The following PTPRU variants were observed in gnomAD, a reference collection of about 807,000 sequenced individuals.
PTPRU encodes the protein receptor-type tyrosine-protein phosphatase U.
In PTPRU, 69 loss-of-function variants were observed where a neutral mutation model predicts 166.3. The observed-to-expected ratio is 0.41, with a 90% CI of 0.34 to 0.51. The LOEUF (loss-of-function observed/expected upper bound fraction) is 0.51. Among genes scored for constraint, PTPRU ranks in the 20% least tolerant of loss-of-function variants. The pLI is 0.09. For missense variants in PTPRU, 1,657 were observed against 2,013.7 expected (o/e 0.82, Z 3.39); for synonymous variants, 793 against 814.0 (o/e 0.97, Z 0.44).
At chr1:29,251,336 G>A (rs762628622) in intron 1 of PTPRU, among the ~76,000 whole-genome samples, 2 of 152,288 alleles carry the variant, frequency 1.3e-5, no homozygotes, top group Non-Finnish European at 2.9e-5. Context: ...CACCTTGGCC[G>A]GGGTCAGTTG....
In PTPRU at chr1:29,312,667, C is replaced by T. The variant is rs1199318170; in HGVS notation, c.3188C>T (p.Ser1063Phe). The change falls in exon 22 of 30, where the codon TCC (serine) becomes TTC (phenylalanine). Residue 1063 changes from serine (S) to phenylalanine (F), a missense_variant. Physicochemically the swap from Ser to Phe is radical, Grantham distance 155. This residue lies in a region of PTPRU where 1,190 missense variants were observed against 1,477.4 expected (regional missense o/e 0.81). Transcript: ENST00000373779. ...LLAFIRRVKA[S>F]TPPDAGPIVI... Reference sequence around the variant, plus strand: ...GCTTTCATCCGGCGCGTGAAGGCCTCCACCCCACCTGATGCCGGGCCCATT... The same window carrying T: ...GCTTTCATCCGGCGCGTGAAGGCCTTCACCCCACCTGATGCCGGGCCCATT... The T allele has an allele frequency of 6.2e-7, 1 of 1,610,474 alleles. No individual in the cohort carries two copies. The highest frequency in any genetic ancestry group is 8.5e-7 in the Non-Finnish European group (1 of 1,177,428).
intron 7 of PTPRU, among the ~76,000 whole-genome samples, chr1:29,269,631 T>G (rs1685478234): frequency 6.6e-6 from 1 of 152,144 alleles, no homozygotes; most frequent in African/African-American, 2.4e-5. Context: ...GCAGTTGTTT[T>G]GCTGTTGGCC....
In PTPRU at chr1:29,292,009, A is replaced by G. The variant is rs374736449; in HGVS notation, c.2459A>G (p.His820Arg). ...ERLGLSFMDTHGYSTRGDQRS... is the reference protein window; with the variant it reads ...ERLGLSFMDTRGYSTRGDQRS... ...CTGGGCCTGTCCTTCATGGACACCC[A>G]TGGCTACAGCACCCGGGGTGAGTGC... Residue 820 changes from histidine (H) to arginine (R), a missense_variant, in exon 15 of 30, where the codon CAT becomes CGT. His to Arg is a conservative substitution (Grantham distance 29). Transcript: ENST00000373779. 14 of 1,614,018 alleles carry G rather than the reference A, an allele frequency of 8.7e-6. No homozygotes were observed. The highest frequency in any genetic ancestry group is 1.1e-5 in the Non-Finnish European group (13 of 1,180,018).
intron 7 of PTPRU, among the ~76,000 whole-genome samples, chr1:29,266,499 A>G (rs1239666153): frequency 6.6e-6 from 1 of 152,188 alleles, no homozygotes; most frequent in Non-Finnish European, 1.5e-5. Flanking sequence ...TAGGTCTAAA[A>G]TCTGGTTTAA....
intron 12 of PTPRU, 65 bp downstream of exon 12, chr1:29,283,014 C>T: frequency 6.3e-7 from 1 of 1,580,708 alleles, no homozygotes; most frequent in Non-Finnish European, 8.6e-7. Flanking sequence ...ACAGGAGATA[C>T]CTTGGAGCAG....
In PTPRU at chr1:29,304,798, A is replaced by G; in HGVS notation, c.2692A>G (p.Thr898Ala). ...GAGCTTCTTTGAAGGCTGGGACGCC[A>G]CAAAGAAGAAAGACAAGGTCAAGGG... Reference protein sequence around the residue: ...YESFFEGWDATKKKDKVKGSR... With the variant: ...YESFFEGWDAAKKKDKVKGSR... The change falls in exon 17 of 30, where the codon ACA becomes GCA. Residue 898 changes from threonine (T) to alanine (A), a missense_variant. By Grantham distance (58) the Thr-to-Ala change is moderately conservative (BLOSUM62 0). This residue lies in a region of PTPRU where 1,190 missense variants were observed against 1,477.4 expected (regional missense o/e 0.81). Coordinates refer to ENST00000373779, the MANE Select transcript of PTPRU (RefSeq NM_133178.4). The G allele has an allele frequency of 6.2e-7, 1 of 1,612,640 alleles. No homozygotes were observed. The highest frequency in any genetic ancestry group is 8.5e-7 in the Non-Finnish European group (1 of 1,178,838).
intron 13 of PTPRU, among the ~76,000 whole-genome samples, chr1:29,284,439 A>G (rs1686247127): frequency 2.0e-5 from 3 of 152,178 alleles, no homozygotes; most frequent in Admixed American, 2.0e-4. Flanking sequence ...GTGGGGCTGA[A>G]GCCCAGGTGT....
At chr1:29,277,742 CAGA>C (rs1212316140) in intron 8 of PTPRU, among the ~76,000 whole-genome samples, 1 of 143,790 alleles carries the variant, frequency 7.0e-6, no homozygotes, top group Non-Finnish European at 1.5e-5. Flanking sequence ...TCCCATTTTA[CAGA>C]AGAAGTCACA....
intron 2 of PTPRU, among the ~76,000 whole-genome samples, chr1:29,258,025 C>T (rs550972141): frequency 3.3e-5 from 5 of 152,048 alleles, no homozygotes; most frequent in South Asian, 4.2e-4. Flanking sequence ...AGTGCAGTGG[C>T]GTGATCTTGG....
At position 29,325,767 on chromosome 1, in the gene PTPRU, G is replaced by A; in HGVS notation, c.*106G>A. On this transcript the variant is annotated 3_prime_UTR_variant, in exon 30 of 30. Coordinates refer to ENST00000373779, the MANE Select transcript of PTPRU (RefSeq NM_133178.4). ...CTGCTCTGCCCAAACACACTCCCAT[G>A]GGGCAAGCACTGGAGTGGATGCTGG... 8.0e-7 allele frequency: 1 copy of A among 1,252,204 alleles called. No individual in the cohort carries two copies. Among genetic ancestry groups the A allele is most frequent in the East Asian group, 2.4e-5 (1 of 41,694 alleles). The allele number at this position is 1,252,204 out of a possible 1,614,324, so 77.6% of individuals were successfully genotyped here.
At chr1:29,283,171 C>G (rs1686174828) in intron 12 of PTPRU, among the ~76,000 whole-genome samples, 1 of 150,470 alleles carries the variant, frequency 6.6e-6, no homozygotes, top group Admixed American at 6.6e-5. Context: ...AGTTCCTCCC[C>G]CATAACCTTG....
intron 7 of PTPRU, among the ~76,000 whole-genome samples, chr1:29,264,867 C>T (rs560663671): frequency 9.8e-5 from 15 of 152,288 alleles, no homozygotes; most frequent in African/African-American, 3.1e-4. Flanking sequence ...ATTATCTTGG[C>T]ACTGGAATTG....
Position 29,320,823 on chromosome 1 carries a change from T to A in PTPRU, c.3826T>A (p.Trp1276Arg). 1 of 1,576,226 alleles carries A rather than the reference T, an allele frequency of 6.3e-7. No homozygotes were observed. Among genetic ancestry groups the A allele is most frequent in the Non-Finnish European group, 8.7e-7 (1 of 1,153,362 alleles). Reference sequence around the variant, plus strand: ...CCAGCTGAACCAGTCCAACTCCGCCTGGGTGAGGCCTCCACTGGCCAGGCC... The same window carrying A: ...CCAGCTGAACCAGTCCAACTCCGCCAGGGTGAGGCCTCCACTGGCCAGGCC... ...LNQLNQSNSA[W>R]PCLQYWPEPG... Residue 1276 changes from tryptophan (W) to arginine (R), a missense_variant and splice_region_variant, in exon 26 of 30, where the codon TGG (tryptophan) becomes AGG (arginine). This residue lies in a region of PTPRU where 1,190 missense variants were observed against 1,477.4 expected (regional missense o/e 0.81). Coordinates refer to ENST00000373779, the MANE Select transcript of PTPRU (RefSeq NM_133178.4). This position sits in a 1 kb window ranked among gnomAD's most constrained non-coding sequence, Gnocchi z 5.2.
In PTPRU at chr1:29,246,741, G is replaced by C. The variant is rs543760967; in HGVS notation, c.74-8534G>C. On this transcript the variant is annotated intron_variant, in intron 1 of 29. Coordinates refer to ENST00000373779, the MANE Select transcript of PTPRU (RefSeq NM_133178.4). ...AGTGATTCTCCTGCCTCCGCCTCCT[G>C]AGTAGCTGGGATTACAGGCATGTGC... Among the ~76,000 whole-genome samples, 3 of 152,166 alleles carry C rather than the reference G, an allele frequency of 2.0e-5. No homozygotes were observed. In the Middle Eastern group the frequency reaches 0.01, roughly 518 times the overall value.
At chr1:29,255,655 C>A (rs975521760) in intron 2 of PTPRU, among the ~76,000 whole-genome samples, 9 of 152,200 alleles carry the variant, frequency 5.9e-5, no homozygotes, top group African/African-American at 2.2e-4. Context: ...TCCAATTACT[C>A]CCCTTGCTGC....
At chr1:29,244,319 T>A (rs1458605382) in intron 1 of PTPRU, among the ~76,000 whole-genome samples, 1 of 151,630 alleles carries the variant, frequency 6.6e-6, no homozygotes, top group Non-Finnish European at 1.5e-5. Flanking sequence ...GTGGGAAAGA[T>A]ATACCTGGGG....
At position 29,259,338 on chromosome 1, in the gene PTPRU, C is replaced by T. The variant is rs1156633017; in HGVS notation, c.555C>T (p.Pro185=). The T allele has an allele frequency of 4.3e-6, 7 of 1,613,952 alleles. No individual in the cohort carries two copies. The highest frequency in any genetic ancestry group is 5.9e-6 in the Non-Finnish European group (7 of 1,179,904). ...GLDDILLLSY[P]CAKAPHFSRL... ...ATGACATCCTGCTTCTCAGCTACCC[C>T]TGCGGTGAGTCCCAGCCCACTGGGG... The change falls in exon 4 of 30, where the codon CCC becomes CCT. Residue 185 remains proline, a synonymous_variant. Transcript: ENST00000373779.
Position 29,320,718 on chromosome 1 carries a change from C to G in PTPRU, c.3721C>G (p.Leu1241Val), listed in dbSNP as rs1429991369. 1 of 1,606,720 alleles carries G rather than the reference C, an allele frequency of 6.2e-7. No homozygotes were observed. The highest frequency in any genetic ancestry group is 1.7e-5 in the Admixed American group (1 of 59,680). ...YTRSAAFIVT[L>V]HPLQSTTPDF... Reference sequence around the variant, plus strand: ...ACGGAGTGCGGCCTTCATCGTGACCCTGCACCCGCTGCAGAGCACCACGCC... The same window carrying G: ...ACGGAGTGCGGCCTTCATCGTGACCGTGCACCCGCTGCAGAGCACCACGCC... The change falls in exon 26 of 30, where the codon CTG becomes GTG. Residue 1241 changes from leucine to valine, a missense_variant. By Grantham distance (32) the Leu-to-Val change is conservative. Around this residue, in one of 3 missense-constraint regions of PTPRU, gnomAD observed 1,190 missense variants for 1,477.4 expected, o/e 0.81. Coordinates refer to ENST00000373779, the MANE Select transcript of PTPRU (RefSeq NM_133178.4). The surrounding 1 kb of genome is among the most constrained non-coding windows in gnomAD (Gnocchi z 5.2).
intron 29 of PTPRU, 23 bp downstream of exon 29, chr1:29,325,349 C>T (rs1165622958): frequency 1.2e-6 from 2 of 1,612,676 alleles, no homozygotes; most frequent in Non-Finnish European, 8.5e-7. Flanking sequence ...GTCCCGTGCC[C>T]AGCCACTTCC....
Sources: gnomAD v4.1 joint callset for allele counts (sites outside exome capture counted in the v4.1 genomes callset) on GRCh38, gnomAD v4.1.1 for gene constraint, gnomAD v4.1.1 regional missense constraint, Gnocchi (gnomAD v3.1) non-coding constraint, MANE v1.5 for transcripts, NCBI Gene and HGNC (gene_info 2026-07-23, HGNC 2026-07-21) for gene names.